Variants in CLIP1 observed in about 807,000 individuals in gnomAD.
CLIP1 encodes CAP-Gly domain containing linker protein 1.
In CLIP1, 66 loss-of-function variants were observed where a neutral mutation model predicts 161.6. The ratio of observed to expected loss-of-function variants is 0.41; its 90% CI spans 0.33 to 0.50. The LOEUF (loss-of-function observed/expected upper bound fraction) is 0.50. CLIP1 is among the 20% of genes least tolerant of loss of function. The pLI, the probability that CLIP1 is intolerant of heterozygous loss-of-function variation, is 0.27. For missense variants in CLIP1, 1,376 were observed against 1,702.0 expected (o/e 0.81, Z 3.37); for synonymous variants, 598 against 626.2 (o/e 0.96, Z 0.67).
At chr12:122,347,776 T>A (rs1247104273) in intron 9 of CLIP1, among the ~76,000 whole-genome samples, 1 of 152,152 alleles carries the variant, frequency 6.6e-6, no homozygotes, top group Non-Finnish European at 1.5e-5. Context: ...ATAAGTAATA[T>A]TGATAAGTGA....
chr12:122,303,978 C>T (rs1950778925), intron 20 of CLIP1, among the ~76,000 whole-genome samples: 1 of 152,206 alleles, frequency 6.6e-6, no homozygotes. Flanking sequence ...TCCGTGCAGA[C>T]GTTCCTGAGG....
At chr12:122,367,599 A>G (rs1196386996) in intron 3 of CLIP1, among the ~76,000 whole-genome samples, 2 of 152,268 alleles carry the variant, frequency 1.3e-5, no homozygotes, top group African/African-American at 4.8e-5. Flanking sequence ...ATGCACGTAC[A>G]GGAAACAGAA....
intron 20 of CLIP1, among the ~76,000 whole-genome samples, chr12:122,293,842 T>G (rs1950360190): frequency 6.7e-6 from 1 of 149,096 alleles, no homozygotes; most frequent in East Asian, 2.0e-4. Flanking sequence ...TCTTGCTCTG[T>G]TGCCCAGGCT....
At chr12:122,354,773 C>T (rs1566161068) in intron 6 of CLIP1, 1 of 577,104 alleles carries the variant, frequency 1.7e-6, no homozygotes, top group East Asian at 2.9e-5. Flanking sequence ...CACCTCTCAT[C>T]TTTTTTGAAG....
Position 122,340,845 on chromosome 12 carries a change from T to C in CLIP1, c.2359A>G (p.Lys787Glu). The C allele has an allele frequency of 3.1e-6, 5 of 1,614,124 alleles. No homozygotes were observed. Among genetic ancestry groups the C allele is most frequent in the Non-Finnish European group, 4.2e-6 (5 of 1,179,982 alleles). Reference sequence around the variant, plus strand: ...TGTCTAAGTTTCTTCATTTCCGATTTACCTTCGGAACTGGCTTTCCGAAGT... The same window carrying C: ...TGTCTAAGTTTCTTCATTTCCGATTCACCTTCGGAACTGGCTTTCCGAAGT... ...DALRKASSEGKSEMKKLRQQL... is the reference protein window; with the variant it reads ...DALRKASSEGESEMKKLRQQL... The change falls in exon 11 of 26, where the codon AAA becomes GAA. Residue 787 changes from lysine to glutamate, a missense_variant. Lys to Glu is a moderately conservative substitution (Grantham distance 56). This residue lies in a region of CLIP1 where 948 missense variants were observed against 1,134.8 expected (regional missense o/e 0.84). Coordinates refer to ENST00000620786, the MANE Select transcript of CLIP1 (RefSeq NM_001247997.2).
chr12:122,370,541 T>C (rs927219968), intron 3 of CLIP1, among the ~76,000 whole-genome samples: 1 of 152,146 alleles, frequency 6.6e-6, no homozygotes. Context: ...ATGATATCAT[T>C]TTGAGTCTCC....
Position 122,352,832 on chromosome 12 carries a change from C to A in CLIP1, c.1308-46G>T, listed in dbSNP as rs368029901. ...AAAACACTTAAGAAACTAAGTAACA[C>A]ACAGCCTTTAAAAAAACAAAACAAA... On this transcript the variant is annotated intron_variant, in intron 7 of 25. Transcript: ENST00000620786. The A allele has an allele frequency of 1.3e-4, 188 of 1,488,800 alleles. 1 individual carries two copies. The South Asian group carries it at 1.9e-3, about 15-fold the overall frequency. 92.2% of individuals were successfully genotyped at this position (1,488,800 alleles called of 1,614,324 possible). A position where few individuals can be genotyped will look rare whatever the true frequency, so the allele number is the denominator to read the frequency against.
intron 17 of CLIP1, chr12:122,322,320 G>C (rs1951538803): frequency 6.6e-6 from 1 of 152,564 alleles, no homozygotes; most frequent in African/African-American, 2.4e-5. Flanking sequence ...TCCTTTTCCA[G>C]CATCATTTCG....
intron 3 of CLIP1, 123 bp from the exon 4 acceptor site, chr12:122,364,230 C>T: frequency 8.4e-7 from 1 of 1,189,718 alleles, no homozygotes; most frequent in Non-Finnish European, 1.2e-6. Flanking sequence ...TTTGCTTTAG[C>T]TTCTCTTTGA....
chr12:122,366,896 G>A lies in CLIP1; in HGVS notation c.658-2789C>T, dbSNP rs140156559. On this transcript the variant is annotated intron_variant, in intron 3 of 25. Coordinates refer to ENST00000620786, the MANE Select transcript of CLIP1 (RefSeq NM_001247997.2). ...ACATTTGACCTTTTAGTACTCGTTAGTACTAACACACAAATCATCACCTAT... is the reference window on the plus strand; with the variant it reads ...ACATTTGACCTTTTAGTACTCGTTAATACTAACACACAAATCATCACCTAT... 2.0e-5 allele frequency among the ~76,000 whole-genome samples: 3 copies of A among 152,284 alleles called. No homozygotes were observed. The East Asian group carries it at 5.8e-4, about 29-fold the overall frequency.
chr12:122,308,281 ACT>A (rs1950947345), intron 20 of CLIP1, among the ~76,000 whole-genome samples: 1 of 152,148 alleles, frequency 6.6e-6, no homozygotes, highest in South Asian at 2.1e-4. Flanking sequence ...TATGGAACCC[ACT>A]CTCTCTACCA....
At chr12:122,317,550 T>A (rs1383376565) in intron 18 of CLIP1, among the ~76,000 whole-genome samples, 2 of 152,160 alleles carry the variant, frequency 1.3e-5, no homozygotes, top group Non-Finnish European at 2.9e-5. Flanking sequence ...GATCATAGGC[T>A]GTGGCAGGTG....
intron 10 of CLIP1, 123 bp downstream of exon 10, chr12:122,347,252 T>C (rs948268694): frequency 9.8e-5 from 64 of 650,858 alleles, no homozygotes; most frequent in South Asian, 2.5e-4. Flanking sequence ...ACCTGAATGG[T>C]ACCAAGACCA....
intron 19 of CLIP1, among the ~76,000 whole-genome samples, chr12:122,314,907 G>A (rs1951203095): frequency 6.6e-6 from 1 of 152,172 alleles, no homozygotes; most frequent in African/African-American, 2.4e-5. Flanking sequence ...GGAAATTGAA[G>A]CCTCCCCTGA....
chr12:122,278,231 A>AG, intron 23 of CLIP1, 28 bp from the exon 24 acceptor site: 1 of 1,548,598 alleles, frequency 6.5e-7, no homozygotes, highest in Non-Finnish European at 8.7e-7. Context: ...AAAAAAAAAA[A>AG]CAAGTGGAGG....
At chr12:122,274,350 A>G (rs1955305074) in intron 24 of CLIP1, 188 bp from the exon 25 acceptor site, 1 of 522,838 alleles carries the variant, frequency 1.9e-6, no homozygotes, top group Non-Finnish European at 3.4e-6. Context: ...GTGAGTAAAG[A>G]GCTGAACTTA....
chr12:122,322,711 G>C (rs1016710050), intron 17 of CLIP1: 1 of 152,614 alleles, frequency 6.6e-6, no homozygotes, highest in Non-Finnish European at 1.5e-5. Context: ...AGGATGACTC[G>C]CTCTCCTTTG....
At chr12:122,375,928 C>A (rs1954704248) in intron 3 of CLIP1, among the ~76,000 whole-genome samples, 1 of 151,182 alleles carries the variant, frequency 6.6e-6, no homozygotes, top group Non-Finnish European at 1.5e-5. Flanking sequence ...GGCGTGAGAC[C>A]CCATGTCCGG....
At position 122,334,023 on chromosome 12, in the gene CLIP1, T is replaced by C. The variant is rs373644511; in HGVS notation, c.2710+4A>G. On this transcript the variant is annotated splice_donor_region_variant and intron_variant, in intron 14 of 25. Transcript: ENST00000620786. ...ATGTTTAGTCACCAGAGATGTCTTC[T>C]TACCTGCTAAGTTTTCTCTCAGCTT... is the stretch of plus-strand genomic sequence containing the variant. The C allele has an allele frequency of 8.2e-6, 13 of 1,594,988 alleles. No homozygotes were observed. Among genetic ancestry groups the C allele is most frequent in the African/African-American group, 6.7e-5 (5 of 74,600 alleles).
Sources: gnomAD v4.1 joint callset for allele counts (sites outside exome capture counted in the v4.1 genomes callset) on GRCh38, gnomAD v4.1.1 for gene constraint, gnomAD v4.1.1 regional missense constraint, MANE v1.5 for transcripts, NCBI Gene and HGNC (gene_info 2026-07-23, HGNC 2026-07-21) for gene names.